TLL1: variants seen among roughly 807,000 people sequenced by gnomAD.
TLL1 encodes tolloid like 1.
In TLL1, 49 loss-of-function variants were observed where a neutral mutation model predicts 128.2. The ratio of observed to expected loss-of-function variants is 0.38; its 90% confidence interval spans 0.30 to 0.48. The LOEUF (loss-of-function observed/expected upper bound fraction) is 0.48. TLL1 is among the 20% of genes least tolerant of loss of function. The probability of loss-of-function intolerance (pLI) is 0.96; values close to 1 mark genes in which losing one functional copy is unlikely to be tolerated. For missense variants in TLL1, 1,123 were observed against 1,242.0 expected, an observed-to-expected ratio of 0.90 and a Z score of 1.44; for synonymous variants, 454 against 418.8, an observed-to-expected ratio of 1.08 and a Z score of -1.03.
chr4:166,046,993 A>T (rs1739485317), intron 12 of TLL1, among the ~76,000 whole-genome samples: 1 of 152,160 alleles, frequency 6.6e-6, no homozygotes. Context: ...TTTTGTTTAC[A>T]TATGTTTTCA....
At chr4:165,888,082 C>A (rs1025466795) in intron 1 of TLL1, among the ~76,000 whole-genome samples, 1 of 151,974 alleles carries the variant, frequency 6.6e-6, no homozygotes, top group Non-Finnish European at 1.5e-5. Flanking sequence ...TGCAAATAAA[C>A]GTGGTTTTAT....
chr4:166,066,866 A>G (rs1364997940), intron 16 of TLL1, among the ~76,000 whole-genome samples: 4 of 151,768 alleles, frequency 2.6e-5, no homozygotes. Context: ...TTTAAGATTT[A>G]TGTTATTCAA....
intron 1 of TLL1, among the ~76,000 whole-genome samples, chr4:165,918,228 T>TA (rs1732874782): frequency 6.6e-6 from 1 of 152,166 alleles, no homozygotes; most frequent in African/African-American, 2.4e-5. Context: ...ATCCTTTTTT[T>TA]AAAATAATGT....
At chr4:165,886,983 G>A (rs1384178942) in intron 1 of TLL1, among the ~76,000 whole-genome samples, 3 of 152,162 alleles carry the variant, frequency 2.0e-5, no homozygotes, top group African/African-American at 7.2e-5. Flanking sequence ...AGTTGAAGCT[G>A]TGAAAGTTCT....
chr4:165,933,722 G>C (rs749782499), intron 1 of TLL1, among the ~76,000 whole-genome samples: 2 of 152,000 alleles, frequency 1.3e-5, no homozygotes, highest in African/African-American at 2.4e-5. Flanking sequence ...ATTCTGACAG[G>C]ACCACACCAC....
rs1307724853 is a variant in TLL1 at position 166,101,268 on chromosome 4, A to AT, written c.*392_*393insT. On this transcript the variant is annotated 3_prime_UTR_variant, in exon 21 of 21. Coordinates refer to ENST00000061240, the MANE Select transcript of TLL1 (RefSeq NM_012464.5). ...CATAAAATGATCTTGCAGGTCGTAA[A>AT]CTGGAAAACAGTATTTTGGTTGTCT... 1 of 279,224 alleles carries AT rather than the reference A, an allele frequency of 3.6e-6. No homozygotes were observed. Among genetic ancestry groups the AT allele is most frequent in the African/African-American group, 2.3e-5 (1 of 44,282 alleles). 17.3% of individuals were successfully genotyped at this position (279,224 alleles called of 1,614,324 possible).
At chr4:166,086,302 G>A (rs906097798) in intron 18 of TLL1, among the ~76,000 whole-genome samples, 3 of 151,950 alleles carry the variant, frequency 2.0e-5, no homozygotes, top group African/African-American at 2.4e-5. Flanking sequence ...TACCTTTTAT[G>A]GACTGTTCTA....
chr4:166,039,266 C>T, intron 9 of TLL1, 73 bp from the exon 10 acceptor site: 1 of 1,039,112 alleles, frequency 9.6e-7, no homozygotes, highest in Non-Finnish European at 1.5e-6. Flanking sequence ...GGGTTCCTTA[C>T]CTTTAGGAAT....
chr4:166,002,396 T>C (rs77705215), intron 5 of TLL1, among the ~76,000 whole-genome samples: 1 of 152,130 alleles, frequency 6.6e-6, no homozygotes, highest in African/African-American at 2.4e-5. Context: ...CTGTTAACTT[T>C]ACTGTTAACC....
intron 1 of TLL1, among the ~76,000 whole-genome samples, chr4:165,881,166 G>A (rs776717857): frequency 1.3e-5 from 2 of 152,032 alleles, no homozygotes; most frequent in African/African-American, 4.8e-5. Context: ...AAATATCCCC[G>A]GGAGAAACAC....
intron 9 of TLL1, among the ~76,000 whole-genome samples, chr4:166,038,382 T>G (rs1472178310): frequency 2.6e-5 from 4 of 152,126 alleles, no homozygotes; most frequent in Non-Finnish European, 4.4e-5. Flanking sequence ...ATTTGTTGCT[T>G]TTGGCCAAAG....
intron 1 of TLL1, among the ~76,000 whole-genome samples, chr4:165,952,616 G>C (rs1734578750): frequency 6.6e-6 from 1 of 152,006 alleles, no homozygotes; most frequent in Admixed American, 6.6e-5. Context: ...TATAAATAAA[G>C]ACATGAAGTT....
chr4:165,998,797 C>A (rs75929774), intron 5 of TLL1, among the ~76,000 whole-genome samples: 3,135 of 134,726 alleles, frequency 0.023, 114 homozygotes, highest in African/African-American at 0.08. Context: ...ACTCTGTCTT[C>A]AAAAAAAAAA....
intron 1 of TLL1, among the ~76,000 whole-genome samples, chr4:165,904,854 T>G (rs994437659): frequency 4.6e-5 from 7 of 152,188 alleles, no homozygotes; most frequent in Non-Finnish European, 1.0e-4. Flanking sequence ...ATTTAAATGG[T>G]TTACCAAATA....
chr4:165,951,096 CA>C (rs1248865214), intron 1 of TLL1, among the ~76,000 whole-genome samples: 1 of 151,932 alleles, frequency 6.6e-6, no homozygotes, highest in Non-Finnish European at 1.5e-5. Flanking sequence ...ATTAGCATCA[CA>C]AAAAATGGAA....
intron 16 of TLL1, among the ~76,000 whole-genome samples, chr4:166,070,335 T>C (rs1435382905): frequency 1.3e-5 from 2 of 151,916 alleles, no homozygotes; most frequent in African/African-American, 4.8e-5. Context: ...ACTTTATACC[T>C]GAAAAAAATA....
At chr4:166,035,783 A>G (rs538981904) in intron 9 of TLL1, among the ~76,000 whole-genome samples, 5 of 152,284 alleles carry the variant, frequency 3.3e-5, no homozygotes, top group African/African-American at 1.2e-4. Flanking sequence ...ACTGATTTCT[A>G]ACATTGTAGC....
At chr4:166,053,611 A>C (rs940136011) in intron 12 of TLL1, among the ~76,000 whole-genome samples, 2 of 152,102 alleles carry the variant, frequency 1.3e-5, no homozygotes, top group African/African-American at 4.8e-5. Flanking sequence ...CCTCATTTGA[A>C]GACTATTATT....
At chr4:165,959,026 A>G (rs1414926167) in intron 1 of TLL1, among the ~76,000 whole-genome samples, 1 of 139,266 alleles carries the variant, frequency 7.2e-6, no homozygotes, top group East Asian at 2.0e-4. Flanking sequence ...AGTTGTAGAT[A>G]TGCGGCGTTA....
Sources: allele counts gnomAD v4.1 joint callset (sites outside exome capture counted in the v4.1 genomes callset), GRCh38; gene constraint gnomAD v4.1.1; transcripts MANE v1.5; gene names NCBI Gene and HGNC (gene_info 2026-07-23, HGNC 2026-07-21).